LHFPL3: variants seen among roughly 807,000 people sequenced by gnomAD.
LHFPL3 encodes LHFPL tetraspan subfamily member 3.
Under a neutral mutation model 19.3 loss-of-function variants are expected in LHFPL3, and 5 were observed. The observed-to-expected ratio is 0.26, with a 90% CI of 0.14 to 0.54. LHFPL3 has a LOEUF of 0.54. LHFPL3 is among the 20% of genes least tolerant of loss of function. The pLI is 0.94. For synonymous variants in LHFPL3, 133 were observed against 126.2 expected (o/e 1.05, Z -0.36); for missense variants, 249 against 307.4 (o/e 0.81, Z 1.42).
At chr7:104,630,738 C>T (rs1791624496) in intron 1 of LHFPL3, among the ~76,000 whole-genome samples, 1 of 152,034 alleles carries the variant, frequency 6.6e-6, no homozygotes, top group African/African-American at 2.4e-5. Flanking sequence ...GTAGCTTGAC[C>T]AGGGAAGGTT....
At chr7:104,746,323 T>TATTCCAGGG (rs751449013) in intron 2 of LHFPL3, among the ~76,000 whole-genome samples, 29 of 151,674 alleles carry the variant, frequency 1.9e-4, no homozygotes, top group Non-Finnish European at 3.4e-4. Context: ...AAAAAAAAAG[T>TATTCCAGGG]ATTCCAGGGA....
At chr7:104,626,902 T>C (rs1346907652) in intron 1 of LHFPL3, among the ~76,000 whole-genome samples, 1 of 152,190 alleles carries the variant, frequency 6.6e-6, no homozygotes, top group Non-Finnish European at 1.5e-5. Context: ...TACAACACAA[T>C]GTTTTGATAT....
intron 2 of LHFPL3, among the ~76,000 whole-genome samples, chr7:104,753,546 A>G (rs1397316813): frequency 6.6e-6 from 1 of 152,230 alleles, no homozygotes; most frequent in East Asian, 1.9e-4. Flanking sequence ...GGCACAAACA[A>G]TAAGGCAAAA....
chr7:104,596,254 A>C (rs1372927157), intron 1 of LHFPL3, among the ~76,000 whole-genome samples: 3 of 152,212 alleles, frequency 2.0e-5, no homozygotes, highest in African/African-American at 7.2e-5. Context: ...CATGGCTCAT[A>C]AAGGTGCATT....
chr7:104,633,568 C>T (rs1228768954), intron 1 of LHFPL3, among the ~76,000 whole-genome samples: 5 of 152,174 alleles, frequency 3.3e-5, no homozygotes, highest in Admixed American at 6.5e-5. Flanking sequence ...GAAATCACCT[C>T]GGCTTGCCAT....
chr7:104,511,140 C>T (rs1793806162), intron 1 of LHFPL3, among the ~76,000 whole-genome samples: 1 of 151,958 alleles, frequency 6.6e-6, no homozygotes. Context: ...TACAGACAAA[C>T]CAATTAGAAA....
At chr7:104,571,263 T>C (rs1363549120) in intron 1 of LHFPL3, among the ~76,000 whole-genome samples, 1 of 152,186 alleles carries the variant, frequency 6.6e-6, no homozygotes, top group Non-Finnish European at 1.5e-5. Flanking sequence ...ATGAAAAAAT[T>C]AAAAATTTAT....
Position 104,399,456 on chromosome 7 carries a change from T to G in LHFPL3, c.445+70232T>G, listed in dbSNP as rs61174708. 0.04 allele frequency among the ~76,000 whole-genome samples: 6,079 copies of G among 151,816 alleles called. 426 individuals are homozygous for G. Among genetic ancestry groups the G allele is most frequent in the African/African-American group, 0.14 (5,762 of 41,298 alleles). On this transcript the variant is annotated intron_variant, in intron 1 of 2. Coordinates refer to ENST00000424859, the MANE Select transcript of LHFPL3 (RefSeq NM_199000.3). This position sits in a 1 kb window ranked among gnomAD's most constrained non-coding sequence, Gnocchi z 4.4. ...TGTTTTTTTTTGTTTTTTAGGTTTTTTTTGTTTGTTTGTTTGAGATGGAGT... is the reference window on the plus strand; with the variant it reads ...TGTTTTTTTTTGTTTTTTAGGTTTTGTTTGTTTGTTTGTTTGAGATGGAGT...
intron 2 of LHFPL3, among the ~76,000 whole-genome samples, chr7:104,808,890 C>CTTTTT (rs151212974): frequency 1.3e-5 from 1 of 77,226 alleles, no homozygotes; most frequent in Non-Finnish European, 2.4e-5. Flanking sequence ...ATGATAGATC[C>CTTTTT]TTTTTTTTTT....
chr7:104,843,638 T>A, intron 2 of LHFPL3, among the ~76,000 whole-genome samples: 1 of 152,150 alleles, frequency 6.6e-6, no homozygotes, highest in Admixed American at 6.5e-5. Context: ...AGCCTTTGAA[T>A]AAGTGAGAAG....
chr7:104,892,083 C>T (rs1212328756), intron 2 of LHFPL3, among the ~76,000 whole-genome samples: 1 of 152,232 alleles, frequency 6.6e-6, no homozygotes, highest in Non-Finnish European at 1.5e-5. Context: ...CTTCTCAATG[C>T]TCATTCACTT....
chr7:104,351,097 G>A (rs1790166164), intron 1 of LHFPL3, among the ~76,000 whole-genome samples: 1 of 151,570 alleles, frequency 6.6e-6, no homozygotes, highest in Non-Finnish European at 1.5e-5. Context: ...TTTAAGAAGA[G>A]ACTTGAGAGA....
intron 2 of LHFPL3, among the ~76,000 whole-genome samples, chr7:104,899,951 C>T (rs1242144906): frequency 1.3e-5 from 2 of 152,156 alleles, no homozygotes; most frequent in African/African-American, 2.4e-5. Context: ...ACGCTGGTTT[C>T]GAACTCCTGA....
At chr7:104,508,769 A>G (rs1793752581) in intron 1 of LHFPL3, among the ~76,000 whole-genome samples, 1 of 151,736 alleles carries the variant, frequency 6.6e-6, no homozygotes, top group African/African-American at 2.4e-5. Context: ...TAATAAAGGT[A>G]AGAGCATAAC....
At chr7:104,518,202 T>C (rs1357457332) in intron 1 of LHFPL3, among the ~76,000 whole-genome samples, 2 of 152,174 alleles carry the variant, frequency 1.3e-5, no homozygotes, top group African/African-American at 4.8e-5. Flanking sequence ...ATCATTTGTA[T>C]ACTACTAACA....
At chr7:104,330,757 CTA>C (rs1281925692) in intron 1 of LHFPL3, among the ~76,000 whole-genome samples, 2 of 152,020 alleles carry the variant, frequency 1.3e-5, no homozygotes, top group African/African-American at 4.8e-5. Flanking sequence ...ATTCCTCACT[CTA>C]TGTTTTTATA....
chr7:104,407,562 AG>A (rs1384021351), intron 1 of LHFPL3, among the ~76,000 whole-genome samples: 2 of 152,220 alleles, frequency 1.3e-5, no homozygotes, highest in Non-Finnish European at 2.9e-5. Context: ...AGGCTAAGGC[AG>A]GAGAATTGCC....
intron 1 of LHFPL3, among the ~76,000 whole-genome samples, chr7:104,432,801 A>G (rs908650883): frequency 8.6e-5 from 13 of 152,000 alleles, no homozygotes; most frequent in African/African-American, 4.8e-5. Flanking sequence ...ATTAATTTCT[A>G]AATTCTGTTG....
At chr7:104,437,319 C>T (rs1323155240) in intron 1 of LHFPL3, among the ~76,000 whole-genome samples, 1 of 152,182 alleles carries the variant, frequency 6.6e-6, no homozygotes, top group Non-Finnish European at 1.5e-5. Context: ...GAGAACACAA[C>T]AAATAAGTGG....
Sources: allele counts gnomAD v4.1 joint callset (sites outside exome capture counted in the v4.1 genomes callset), GRCh38; gene constraint gnomAD v4.1.1; non-coding constraint Gnocchi (gnomAD v3.1); transcripts MANE v1.5; gene names NCBI Gene and HGNC (gene_info 2026-07-23, HGNC 2026-07-21).